The following RYR3 variants were observed in gnomAD, a reference collection of about 807,000 sequenced individuals.
The protein encoded by RYR3 is brain ryanodine receptor-calcium release channel.
A neutral mutation model predicts 584.3 loss-of-function variants in RYR3; 207 were observed. The ratio of observed to expected loss-of-function variants is 0.35; its 90% CI spans 0.32 to 0.40. The LOEUF (loss-of-function observed/expected upper bound fraction) is 0.40. RYR3 is among the 10% of genes least tolerant of loss of function. The pLI is 1.00. For missense variants in RYR3, 5,616 were observed against 6,089.2 expected, an observed-to-expected ratio of 0.92 and a Z score of 2.59; for synonymous variants, 2,416 against 2,248.5, an observed-to-expected ratio of 1.07 and a Z score of -2.11.
At chr15:33,786,413 ATTTGT>A (rs1233659261) in intron 66 of RYR3, among the ~76,000 whole-genome samples, 2 of 151,666 alleles carry the variant, frequency 1.3e-5, no homozygotes, top group Non-Finnish European at 2.9e-5. Flanking sequence ...GTCACTCTGC[ATTTGT>A]ATTTCACTCT....
chr15:33,850,396 A>C (rs2079019740), intron 94 of RYR3: 1 of 151,436 alleles, frequency 6.6e-6, no homozygotes, highest in African/African-American at 2.5e-5. Flanking sequence ...AAAAAAAAGA[A>C]GGCAGTTCAA....
At chr15:33,827,366 CAGCCCAGGATACAGTCA>C in intron 85 of RYR3, 79 bp downstream of exon 85, 1 of 1,316,536 alleles carries the variant, frequency 7.6e-7, no homozygotes, top group Non-Finnish European at 1.1e-6. Flanking sequence ...GGGTCAGGGA[CAGCCCAGGATACAGTCA>C]AGCCCCTATA....
At chr15:33,374,653 TA>T (rs928188764) in intron 1 of RYR3, among the ~76,000 whole-genome samples, 7 of 152,146 alleles carry the variant, frequency 4.6e-5, no homozygotes, top group African/African-American at 7.2e-5. Flanking sequence ...CATTGGGGTT[TA>T]AAAAAATGAC....
chr15:33,755,395 C>T (rs1047682518), intron 58 of RYR3, among the ~76,000 whole-genome samples: 9 of 152,090 alleles, frequency 5.9e-5, no homozygotes, highest in Admixed American at 2.6e-4. Context: ...CCGAGGCGGG[C>T]GGATCATGAG....
chr15:33,827,658 A>G lies in RYR3; in HGVS notation c.11334+371A>G, dbSNP rs138022034. Among the ~76,000 whole-genome samples, 270 of 152,354 alleles carry G rather than the reference A, an allele frequency of 1.8e-3. 1 individual carries two copies. The highest frequency in any genetic ancestry group is 6.0e-3 in the African/African-American group (248 of 41,592). ...ACTTACACGAGATGATAGGAATAGG[A>G]TGAGTTTACAAGTTCGTGTTGAGAA... On this transcript the variant is annotated intron_variant, in intron 85 of 103. Transcript: ENST00000634891.
At chr15:33,551,729 T>G (rs1033147328) in intron 10 of RYR3, among the ~76,000 whole-genome samples, 7 of 150,928 alleles carry the variant, frequency 4.6e-5, no homozygotes, top group African/African-American at 1.7e-4. Context: ...TTTCTGAGCA[T>G]ATCTTCCTCA....
chr15:33,486,053 C>A (rs982478566), intron 2 of RYR3, among the ~76,000 whole-genome samples: 2 of 152,054 alleles, frequency 1.3e-5, no homozygotes, highest in African/African-American at 2.4e-5. Context: ...GAAACAACCC[C>A]TAGGTGTATG....
intron 16 of RYR3, among the ~76,000 whole-genome samples, chr15:33,586,730 T>G (rs555517082): frequency 1.3e-5 from 2 of 152,312 alleles, no homozygotes; most frequent in Admixed American, 1.3e-4. Context: ...TATATCATTT[T>G]TTTGAGATCT....
intron 86 of RYR3, 91 bp downstream of exon 86, chr15:33,831,182 C>G (rs769288933): frequency 5.5e-6 from 7 of 1,266,936 alleles, no homozygotes; most frequent in Non-Finnish European, 6.6e-6. Flanking sequence ...TGATTGTACA[C>G]AGTGCACTAT....
intron 50 of RYR3, among the ~76,000 whole-genome samples, chr15:33,738,875 T>C (rs1274319648): frequency 6.6e-6 from 1 of 152,228 alleles, no homozygotes; most frequent in African/African-American, 2.4e-5. Flanking sequence ...TCATCTGATG[T>C]CAGTCTTTGA....
chr15:33,576,070 A>C (rs2058286598), intron 12 of RYR3, among the ~76,000 whole-genome samples: 1 of 152,178 alleles, frequency 6.6e-6, no homozygotes, highest in Non-Finnish European at 1.5e-5. Context: ...GAAGAAATTG[A>C]ATTCCTGAAT....
intron 1 of RYR3, among the ~76,000 whole-genome samples, chr15:33,345,866 C>G (rs1300106334): frequency 6.6e-6 from 1 of 152,144 alleles, no homozygotes; most frequent in Non-Finnish European, 1.5e-5. Flanking sequence ...TTCCATCCAC[C>G]CAGTAAAGCG....
intron 99 of RYR3, 180 bp downstream of exon 99, chr15:33,858,094 A>G: frequency 1.2e-6 from 1 of 815,740 alleles, no homozygotes; most frequent in Non-Finnish European, 1.9e-6. Flanking sequence ...TGTCCTGGGA[A>G]GACAGAAGTG....
intron 58 of RYR3, among the ~76,000 whole-genome samples, chr15:33,755,789 G>A (rs973405095): frequency 7.9e-5 from 12 of 151,844 alleles, no homozygotes; most frequent in African/African-American, 2.9e-4. Context: ...TTTTTTCTGA[G>A]ATGGAGTTTT....
At chr15:33,856,211 A>T (rs2079642242) in intron 98 of RYR3, 1 of 151,986 alleles carries the variant, frequency 6.6e-6, no homozygotes, top group Admixed American at 6.6e-5. Flanking sequence ...TTTTTTCCTA[A>T]ACCACCTGCT....
At chr15:33,757,942 C>G (rs2072016216) in intron 60 of RYR3, 1 of 274,018 alleles carries the variant, frequency 3.6e-6, no homozygotes, top group East Asian at 8.1e-5. Flanking sequence ...ACTGAGGTAC[C>G]CAGTTCATCT....
intron 64 of RYR3, 119 bp from the exon 65 acceptor site, chr15:33,780,092 T>TTGC (rs2074290758): frequency 8.5e-7 from 1 of 1,177,700 alleles, no homozygotes; most frequent in African/African-American, 1.5e-5. Flanking sequence ...GCATGCAAGC[T>TTGC]TGCTGAGCCT....
At chr15:33,573,137 T>A (rs966686699) in intron 12 of RYR3, among the ~76,000 whole-genome samples, 1 of 152,066 alleles carries the variant, frequency 6.6e-6, no homozygotes, top group Non-Finnish European at 1.5e-5. Flanking sequence ...ATTCAGCTGT[T>A]AAGTCCCACC....
At chr15:33,432,318 A>C (rs1596106951) in intron 1 of RYR3, among the ~76,000 whole-genome samples, 1 of 152,294 alleles carries the variant, frequency 6.6e-6, no homozygotes, top group East Asian at 1.9e-4. Context: ...TGGGGAACAC[A>C]AAGGATGTTA....
Sources: allele counts gnomAD v4.1 joint callset (sites outside exome capture counted in the v4.1 genomes callset), GRCh38; gene constraint gnomAD v4.1.1; transcripts MANE v1.5; gene names NCBI Gene and HGNC (gene_info 2026-07-23, HGNC 2026-07-21).